Variants in CTNNA1 observed in about 807,000 individuals in gnomAD.
CTNNA1 encodes the protein catenin alpha 1.
Under a neutral mutation model 98.4 loss-of-function variants are expected in CTNNA1, and 37 were observed. That is an observed-to-expected ratio of 0.38 (90% CI 0.29 to 0.49). The LOEUF (loss-of-function observed/expected upper bound fraction) is 0.49, where lower values mean the gene tolerates loss of function less well. CTNNA1 is among the 20% of genes least tolerant of loss of function. The probability of loss-of-function intolerance (pLI) is 0.95; values close to 1 mark genes in which losing one functional copy is unlikely to be tolerated. For synonymous variants in CTNNA1, 404 were observed against 413.2 expected (o/e 0.98, Z 0.27); for missense variants, 761 against 1,147.2 (o/e 0.66, Z 4.86).
At chr5:138,898,937 C>T in intron 9 of CTNNA1, among the ~76,000 whole-genome samples, 1 of 152,302 alleles carries the variant, frequency 6.6e-6, no homozygotes, top group East Asian at 1.9e-4. Flanking sequence ...TACTAATTCT[C>T]TTTTCAGTAG....
chr5:138,830,519 T>C (rs1195206838), intron 7 of CTNNA1, among the ~76,000 whole-genome samples: 1 of 152,182 alleles, frequency 6.6e-6, no homozygotes, highest in Non-Finnish European at 1.5e-5. Context: ...CAAAAAGCAC[T>C]GGAGTGAGGA....
intron 11 of CTNNA1, among the ~76,000 whole-genome samples, chr5:138,919,143 C>G (rs1006582237): frequency 6.6e-6 from 1 of 152,332 alleles, no homozygotes; most frequent in Non-Finnish European, 1.5e-5. Flanking sequence ...GCAAGCACAT[C>G]TTTGCAGGTG....
chr5:138,824,530 G>A lies in CTNNA1; in HGVS notation c.589G>A (p.Glu197Lys). ...LNIMAAKRQQELKDVGHRDQM... is the reference protein window; with the variant it reads ...LNIMAAKRQQKLKDVGHRDQM... ...TTTCTTGTTTTATTTACTCTTGTAG[G>A]AATTGAAAGATGTTGGCCATCGTGA... The change falls in exon 6 of 18, where the codon GAA becomes AAA. Residue 197 changes from glutamate to lysine, a missense_variant and splice_region_variant. This residue lies in a region of CTNNA1 where 328 missense variants were observed against 354.3 expected (regional missense o/e 0.93). Transcript: ENST00000302763. The A allele has an allele frequency of 6.2e-7, 1 of 1,612,736 alleles. No individual in the cohort carries two copies. The highest frequency in any genetic ancestry group is 8.5e-7 in the Non-Finnish European group (1 of 1,178,836).
chr5:138,811,103 GCTC>G (rs1758696273), intron 4 of CTNNA1, among the ~76,000 whole-genome samples: 1 of 151,658 alleles, frequency 6.6e-6, no homozygotes, highest in Non-Finnish European at 1.5e-5. Flanking sequence ...GGGCGGAGGG[GCTC>G]CTCATTTCTC....
At chr5:138,820,750 G>GC (rs941974522) in intron 5 of CTNNA1, among the ~76,000 whole-genome samples, 17 of 151,634 alleles carry the variant, frequency 1.1e-4, no homozygotes, top group South Asian at 2.1e-4. Context: ...TTGTTTTGAG[G>GC]GGGGTGAATG....
At chr5:138,758,952 C>T (rs767812631) in intron 1 of CTNNA1, among the ~76,000 whole-genome samples, 20 of 151,632 alleles carry the variant, frequency 1.3e-4, no homozygotes, top group African/African-American at 2.4e-4. Flanking sequence ...TACAGGCATG[C>T]GCCACCACAC....
chr5:138,899,348 C>A (rs542912741), intron 9 of CTNNA1, among the ~76,000 whole-genome samples: 2 of 152,162 alleles, frequency 1.3e-5, no homozygotes, highest in Non-Finnish European at 2.9e-5. Flanking sequence ...CTTAGAGGTA[C>A]TACTAATACA....
chr5:138,925,520 GAATCT>G, intron 13 of CTNNA1, 113 bp downstream of exon 13: 1 of 1,384,238 alleles, frequency 7.2e-7, no homozygotes, highest in East Asian at 2.3e-5. Context: ...TTAAAACCAT[GAATCT>G]AAAAGCTGTT....
At chr5:138,883,843 A>T (rs1373016969) in intron 7 of CTNNA1, among the ~76,000 whole-genome samples, 1 of 152,250 alleles carries the variant, frequency 6.6e-6, no homozygotes, top group Non-Finnish European at 1.5e-5. Flanking sequence ...AGCATTAATT[A>T]TGAAGTCAGT....
rs1262491149 is a variant in CTNNA1, at chr5:138,874,612, A to G, written c.1063-11600A>G. The G allele has an allele frequency of 8.1e-6, 9 of 1,113,330 alleles. No homozygotes were observed. The highest frequency in any genetic ancestry group is 3.2e-5 in the African/African-American group (2 of 63,308). 69.0% of individuals were successfully genotyped at this position (1,113,330 alleles called of 1,614,324 possible). A position where few individuals can be genotyped will look rare whatever the true frequency, so the allele number is the denominator to read the frequency against. On this transcript the variant is annotated intron_variant, in intron 7 of 17. Coordinates refer to ENST00000302763, the MANE Select transcript of CTNNA1 (RefSeq NM_001903.5). The surrounding 1 kb of genome is among the most constrained non-coding windows in gnomAD (Gnocchi z 4.1). Reference sequence around the variant, plus strand: ...GATAGGATATTTTTCAGCAGAACATATGGGCTATTTAAAAAAAACAACCAC... The same window carrying G: ...GATAGGATATTTTTCAGCAGAACATGTGGGCTATTTAAAAAAAACAACCAC...
chr5:138,870,243 G>A (rs1317369122), intron 7 of CTNNA1: 1 of 152,240 alleles, frequency 6.6e-6, no homozygotes, highest in Non-Finnish European at 1.5e-5. Context: ...AAGCACAGAT[G>A]ACTAACAGTC....
intron 7 of CTNNA1, among the ~76,000 whole-genome samples, chr5:138,829,406 T>C (rs1178602992): frequency 1.3e-5 from 2 of 152,198 alleles, no homozygotes; most frequent in African/African-American, 4.8e-5. Context: ...AAGTGTCTTA[T>C]GTAGTTATGA....
At chr5:138,767,409 T>C (rs1258297602) in intron 1 of CTNNA1, among the ~76,000 whole-genome samples, 1 of 152,146 alleles carries the variant, frequency 6.6e-6, no homozygotes, top group Non-Finnish European at 1.5e-5. Context: ...CTCACTGTGG[T>C]TGCCGGAAGG....
chr5:138,927,756 G>A (rs895959955), intron 13 of CTNNA1, among the ~76,000 whole-genome samples: 4 of 151,350 alleles, frequency 2.6e-5, no homozygotes, highest in African/African-American at 4.9e-5. Flanking sequence ...GAGAGTACTC[G>A]GTTTTCTTGG....
At chr5:138,852,138 G>C (rs1285783859) in intron 7 of CTNNA1, among the ~76,000 whole-genome samples, 1 of 152,294 alleles carries the variant, frequency 6.6e-6, no homozygotes, top group African/African-American at 2.4e-5. Context: ...TAGTGCTATA[G>C]TTCTGGAGCA....
intron 13 of CTNNA1, among the ~76,000 whole-genome samples, chr5:138,926,702 A>G (rs1299567577): frequency 1.3e-5 from 2 of 151,558 alleles, no homozygotes; most frequent in African/African-American, 4.9e-5. Context: ...CCCCAAGCCT[A>G]TGATGATTTC....
chr5:138,800,410 A>G (rs1029876234), intron 3 of CTNNA1, among the ~76,000 whole-genome samples: 1 of 152,162 alleles, frequency 6.6e-6, no homozygotes, highest in African/African-American at 2.4e-5. Flanking sequence ...ATGGTTTGAT[A>G]CTTTAAGAGA....
At chr5:138,906,176 G>T (rs1426503731) in intron 10 of CTNNA1, among the ~76,000 whole-genome samples, 1 of 152,112 alleles carries the variant, frequency 6.6e-6, no homozygotes, top group East Asian at 1.9e-4. Flanking sequence ...GCCAATGAGA[G>T]TTGCTCTGCC....
At chr5:138,767,596 G>T (rs1753077679) in intron 1 of CTNNA1, among the ~76,000 whole-genome samples, 2 of 152,104 alleles carry the variant, frequency 1.3e-5, no homozygotes, top group South Asian at 4.1e-4. Context: ...TTCCTGTATA[G>T]ACTGTTGTAA....
Sources: allele counts gnomAD v4.1 joint callset (sites outside exome capture counted in the v4.1 genomes callset), GRCh38; gene constraint gnomAD v4.1.1; regional missense constraint gnomAD v4.1.1; non-coding constraint Gnocchi (gnomAD v3.1); transcripts MANE v1.5; gene names NCBI Gene and HGNC (gene_info 2026-07-23, HGNC 2026-07-21).